Variants in MYRIP observed in about 807,000 individuals in gnomAD.
MYRIP encodes rab effector MyRIP.
Under a neutral mutation model 98.0 loss-of-function variants are expected in MYRIP, and 49 were observed. The ratio of observed to expected loss-of-function variants is 0.50; its 90% CI spans 0.40 to 0.63. MYRIP has a LOEUF of 0.63. Among genes scored for constraint, MYRIP ranks in the 30% least tolerant of loss-of-function variants. The probability of loss-of-function intolerance (pLI) is 0.00; values close to 1 mark genes in which losing one functional copy is unlikely to be tolerated. For missense variants in MYRIP, 1,004 were observed against 1,058.2 expected (o/e 0.95, Z 0.71); for synonymous variants, 404 against 409.5 (o/e 0.99, Z 0.16).
chr3:39,994,161 C>A (rs991171689), intron 2 of MYRIP, among the ~76,000 whole-genome samples: 8 of 152,208 alleles, frequency 5.3e-5, no homozygotes, highest in Admixed American at 1.3e-4. Context: ...GTACTGGGTT[C>A]ATCTCACTGG....
At chr3:39,933,251 CTTGTTTATGTTTTATCTA>C (rs1243311828) in intron 2 of MYRIP, among the ~76,000 whole-genome samples, 2 of 152,268 alleles carry the variant, frequency 1.3e-5, no homozygotes, top group Middle Eastern at 3.4e-3. Flanking sequence ...AGCCACTCCA[CTTGTTTATGTTTTATCTA>C]TGGCTGCTTC....
intron 11 of MYRIP, among the ~76,000 whole-genome samples, chr3:40,220,727 G>A (rs937750898): frequency 2.0e-5 from 3 of 152,098 alleles, no homozygotes; most frequent in African/African-American, 7.2e-5. Context: ...CATGGCTGAA[G>A]AGGCCTCAGG....
chr3:39,955,346 A>G (rs1291670603), intron 2 of MYRIP, among the ~76,000 whole-genome samples: 1 of 152,228 alleles, frequency 6.6e-6, no homozygotes, highest in Non-Finnish European at 1.5e-5. Context: ...AAACTCTACA[A>G]GCCAGAAGAG....
chr3:40,178,619 CAG>C (rs1354144205), intron 8 of MYRIP, among the ~76,000 whole-genome samples: 1 of 152,208 alleles, frequency 6.6e-6, no homozygotes, highest in African/African-American at 2.4e-5. Context: ...TACACCGGCT[CAG>C]TGGTAATACT....
At position 40,112,257 on chromosome 3, in the gene MYRIP, C is replaced by T. The variant is rs1466501806; in HGVS notation, c.333-38791C>T. ...TTAATATCTCATGAGGGGGTGGAGG[C>T]GGGGGCGGAGGAGGGAAGAAGAGCA... On this transcript the variant is annotated intron_variant, in intron 3 of 16. Coordinates refer to ENST00000302541, the MANE Select transcript of MYRIP (RefSeq NM_015460.4). Among the ~76,000 whole-genome samples, 9 of 29,386 alleles carry T rather than the reference C, an allele frequency of 3.1e-4. No homozygotes were observed. The South Asian group carries it at 5.8e-3, about 19-fold the overall frequency. The allele number at this position is 29,386 out of a possible 152,430, so 19.3% of individuals were successfully genotyped here.
chr3:39,854,297 T>C (rs1002449743), intron 1 of MYRIP, among the ~76,000 whole-genome samples: 1 of 152,174 alleles, frequency 6.6e-6, no homozygotes, highest in Non-Finnish European at 1.5e-5. Context: ...TTAGGTTTGG[T>C]CTTTTAGCAT....
intron 3 of MYRIP, among the ~76,000 whole-genome samples, chr3:40,095,650 C>A: frequency 6.6e-6 from 1 of 152,050 alleles, no homozygotes; most frequent in East Asian, 1.9e-4. Context: ...CTCTACACAG[C>A]CACCCCCAAT....
chr3:40,072,783 T>C (rs1948259729), intron 3 of MYRIP, among the ~76,000 whole-genome samples: 2 of 152,074 alleles, frequency 1.3e-5, no homozygotes. Context: ...TGAGACTTGC[T>C]TTGTGGTCCA....
chr3:40,220,914 C>T (rs1226600956), intron 11 of MYRIP, among the ~76,000 whole-genome samples: 1 of 151,928 alleles, frequency 6.6e-6, no homozygotes, highest in Admixed American at 6.6e-5. Context: ...ACGATCCAAT[C>T]ACTTTCCACC....
intron 2 of MYRIP, among the ~76,000 whole-genome samples, chr3:39,911,298 A>G (rs1944016009): frequency 6.7e-6 from 1 of 148,848 alleles, no homozygotes; most frequent in African/African-American, 2.5e-5. Flanking sequence ...TAGAAAAAGG[A>G]ATCATGCTGA....
intron 3 of MYRIP, among the ~76,000 whole-genome samples, chr3:40,145,456 G>A (rs1009062266): frequency 2.0e-5 from 3 of 152,150 alleles, no homozygotes; most frequent in African/African-American, 7.2e-5. Context: ...ACCAAACCAG[G>A]GGGAGAAGAT....
At chr3:39,809,303 A>T (rs1329933667), upstream of MYRIP, among the ~76,000 whole-genome samples, 1 of 151,366 alleles carries the variant, frequency 6.6e-6, no homozygotes, top group African/African-American at 2.4e-5. Flanking sequence ...CGGCCCCAAT[A>T]CTGCACTGCG....
intron 8 of MYRIP, among the ~76,000 whole-genome samples, chr3:40,177,099 A>G (rs1950784871): frequency 6.6e-6 from 1 of 151,588 alleles, no homozygotes; most frequent in African/African-American, 2.4e-5. Flanking sequence ...TGTCAGAAAT[A>G]CACATGGACG....
chr3:39,897,397 A>G (rs931839205), intron 1 of MYRIP, among the ~76,000 whole-genome samples: 33 of 152,338 alleles, frequency 2.2e-4, no homozygotes, highest in African/African-American at 7.9e-4. Flanking sequence ...TGAGAAACAC[A>G]CTTTAGGGAA....
At position 39,956,085 on chromosome 3, in the gene MYRIP, T is replaced by C. The variant is rs529101642; in HGVS notation, c.110+55159T>C. 4.6e-5 allele frequency among the ~76,000 whole-genome samples: 7 copies of C among 152,232 alleles called. No individual in the cohort carries two copies. The South Asian group carries it at 1.0e-3, about 23-fold the overall frequency. ...CTCCCACACAATAATAATGGGAGAC[T>C]TTAACACCCCACTGTCAACATTAGA... On this transcript the variant is annotated intron_variant, in intron 2 of 16. Coordinates refer to ENST00000302541, the MANE Select transcript of MYRIP (RefSeq NM_015460.4).
At chr3:39,945,849 A>G (rs1354171448) in intron 2 of MYRIP, among the ~76,000 whole-genome samples, 1 of 152,128 alleles carries the variant, frequency 6.6e-6, no homozygotes, top group Non-Finnish European at 1.5e-5. Flanking sequence ...AGAAATTATA[A>G]AAAGTACTAA....
chr3:40,107,301 G>T (rs1370655298), intron 3 of MYRIP, among the ~76,000 whole-genome samples: 1 of 152,126 alleles, frequency 6.6e-6, no homozygotes, highest in Non-Finnish European at 1.5e-5. Context: ...CCTCCAGCTT[G>T]GTTTAATGCT....
chr3:39,884,916 TCC>T, intron 1 of MYRIP, among the ~76,000 whole-genome samples: 1 of 138,174 alleles, frequency 7.2e-6, no homozygotes, highest in Admixed American at 7.3e-5. Flanking sequence ...TGTCTCTCTC[TCC>T]CTCCCTCCCC....
intron 2 of MYRIP, among the ~76,000 whole-genome samples, chr3:40,023,317 A>T (rs1947042148): frequency 6.6e-6 from 1 of 152,216 alleles, no homozygotes; most frequent in African/African-American, 2.4e-5. Context: ...AAACCATCTA[A>T]ATATTTCATA....
Sources: allele counts gnomAD v4.1 joint callset (sites outside exome capture counted in the v4.1 genomes callset), GRCh38; gene constraint gnomAD v4.1.1; transcripts MANE v1.5; gene names NCBI Gene and HGNC (gene_info 2026-07-23, HGNC 2026-07-21).